The following B4GALT6 variants were observed in gnomAD, a reference collection of about 807,000 sequenced individuals.
The protein encoded by B4GALT6 is beta-1,4-galactosyltransferase 6, also known as UDP-Gal:beta-GlcNAc beta-1,4-galactosyltransferase 6.
A neutral mutation model predicts 46.3 loss-of-function variants in B4GALT6; 14 were observed. The ratio of observed to expected loss-of-function variants is 0.30; its 90% CI spans 0.20 to 0.47. The LOEUF (loss-of-function observed/expected upper bound fraction) is 0.47. Ranked by LOEUF, B4GALT6 falls within the 20% of genes least tolerant of loss-of-function variation. The pLI is 0.99. For synonymous variants in B4GALT6, 168 were observed against 162.0 expected, an observed-to-expected ratio of 1.04 and a Z score of -0.28; for missense variants, 386 against 480.1, an observed-to-expected ratio of 0.80 and a Z score of 1.83.
chr18:31,646,519 T>C (rs2073992737), intron 3 of B4GALT6, among the ~76,000 whole-genome samples: 1 of 152,198 alleles, frequency 6.6e-6, no homozygotes, highest in Non-Finnish European at 1.5e-5. Context: ...CTTTTAGCAG[T>C]TTTAATGTCA....
At chr18:31,636,280 T>C (rs1294592691) in intron 5 of B4GALT6, among the ~76,000 whole-genome samples, 1 of 152,162 alleles carries the variant, frequency 6.6e-6, no homozygotes, top group African/African-American at 2.4e-5. Flanking sequence ...ATCAATACAT[T>C]GGACTTCATC....
chr18:31,695,554 T>A, the B4GALT6 span, among the ~76,000 whole-genome samples: 1 of 151,526 alleles, frequency 6.6e-6, no homozygotes, highest in Admixed American at 6.6e-5. Flanking sequence ...AGGGAAGAAG[T>A]TTTCAACCAA....
the B4GALT6 span, among the ~76,000 whole-genome samples, chr18:31,722,813 C>G: frequency 1.3e-5 from 2 of 152,178 alleles, no homozygotes; most frequent in African/African-American, 4.8e-5. Context: ...GAATCACACA[C>G]AATAAAAGAG....
At chr18:31,711,073 G>A in the B4GALT6 span, among the ~76,000 whole-genome samples, 2 of 152,100 alleles carry the variant, frequency 1.3e-5, no homozygotes, top group Non-Finnish European at 2.9e-5. Flanking sequence ...TATGCACCCT[G>A]CCATGAGGCT....
At chr18:31,721,015 G>C in the B4GALT6 span, among the ~76,000 whole-genome samples, 2 of 152,190 alleles carry the variant, frequency 1.3e-5, no homozygotes, top group African/African-American at 4.8e-5. Flanking sequence ...GTTCATTCGT[G>C]GAGACAGTGT....
chr18:31,652,624 A>G (rs1448754901), intron 3 of B4GALT6, among the ~76,000 whole-genome samples: 1 of 152,166 alleles, frequency 6.6e-6, no homozygotes. Context: ...AAACGGCCCA[A>G]ACGGAACCCA....
At chr18:31,649,767 C>T (rs1437508836) in intron 3 of B4GALT6, among the ~76,000 whole-genome samples, 1 of 151,966 alleles carries the variant, frequency 6.6e-6, no homozygotes, top group African/African-American at 2.4e-5. Flanking sequence ...CAGATGCTGG[C>T]GAGGCTTGGG....
the B4GALT6 span, among the ~76,000 whole-genome samples, chr18:31,718,008 G>A: frequency 6.6e-6 from 1 of 151,670 alleles, no homozygotes; most frequent in Non-Finnish European, 1.5e-5. Context: ...CAGGAAAAGG[G>A]AGTCATGCAT....
intron 2 of B4GALT6, among the ~76,000 whole-genome samples, chr18:31,661,045 A>T (rs1333801947): frequency 6.6e-6 from 1 of 152,234 alleles, no homozygotes. Context: ...AATCAGCGAT[A>T]GATTAAGACG....
the B4GALT6 span, among the ~76,000 whole-genome samples, chr18:31,712,385 C>A: frequency 7.0e-6 from 1 of 142,914 alleles, no homozygotes. Flanking sequence ...TCATTGCAAC[C>A]TACACTTCCT....
At chr18:31,695,362 C>A in the B4GALT6 span, among the ~76,000 whole-genome samples, 6 of 151,710 alleles carry the variant, frequency 4.0e-5, no homozygotes, top group Non-Finnish European at 7.4e-5. Context: ...ATGAAGAAAG[C>A]CTGGGAATAT....
At chr18:31,678,368 C>T (rs182840933) in intron 1 of B4GALT6, among the ~76,000 whole-genome samples, 58 of 152,164 alleles carry the variant, frequency 3.8e-4, no homozygotes, top group African/African-American at 1.4e-3. Context: ...CTCAACTCTG[C>T]CTCATTGTAA....
rs190980484 is a variant in B4GALT6 at position 31,660,178 on chromosome 18, G to A, written c.233-2089C>T. 4.0e-3 allele frequency among the ~76,000 whole-genome samples: 603 copies of A among 151,780 alleles called. 2 individuals carry two copies. The highest frequency in any genetic ancestry group is 6.9e-3 in the Non-Finnish European group (470 of 67,930). ...TTGCCAGGCTGGTCTCCAACTCCTCGGCTCAAGCAATCCTCCCACCTCAAC... is the reference window on the plus strand; with the variant it reads ...TTGCCAGGCTGGTCTCCAACTCCTCAGCTCAAGCAATCCTCCCACCTCAAC... On this transcript the variant is annotated intron_variant, in intron 2 of 8. Transcript: ENST00000306851.
chr18:31,654,772 T>G (rs1039480087), intron 3 of B4GALT6, among the ~76,000 whole-genome samples: 5 of 152,242 alleles, frequency 3.3e-5, no homozygotes, highest in Non-Finnish European at 7.3e-5. Context: ...ACAAATCCCT[T>G]CTAATTATTA....
At chr18:31,679,991 A>C (rs1025396509) in intron 1 of B4GALT6, among the ~76,000 whole-genome samples, 1 of 152,172 alleles carries the variant, frequency 6.6e-6, no homozygotes, top group Non-Finnish European at 1.5e-5. Flanking sequence ...TCACTCTAAG[A>C]CAATGGACTG....
chr18:31,684,770 A>C (rs2074525672), upstream of B4GALT6: 1 of 1,073,924 alleles, frequency 9.3e-7, no homozygotes, highest in Non-Finnish European at 1.1e-6. Flanking sequence ...CGGCGGGAGG[A>C]GGGGCTGCAG....
chr18:31,656,223 T>G (rs112558974), intron 3 of B4GALT6, among the ~76,000 whole-genome samples: 1 of 152,238 alleles, frequency 6.6e-6, no homozygotes, highest in African/African-American at 2.4e-5. Flanking sequence ...CCTACAAATA[T>G]GATAGGCAAA....
At chr18:31,636,013 A>G (rs1043454387) in intron 5 of B4GALT6, among the ~76,000 whole-genome samples, 1 of 152,246 alleles carries the variant, frequency 6.6e-6, no homozygotes, top group Admixed American at 6.5e-5. Context: ...AAAGACCTGC[A>G]TACATATGAC....
upstream of B4GALT6, chr18:31,685,886 A>G (rs749199879): frequency 6.6e-6 from 1 of 152,136 alleles, no homozygotes; most frequent in African/African-American, 2.4e-5. Context: ...GCGCGGACCT[A>G]TGTGCGTCCC....
Sources: allele counts gnomAD v4.1 joint callset (sites outside exome capture counted in the v4.1 genomes callset), GRCh38; gene constraint gnomAD v4.1.1; transcripts MANE v1.5; gene names NCBI Gene and HGNC (gene_info 2026-07-23, HGNC 2026-07-21).